Variants in LRP1 observed in about 807,000 individuals in gnomAD.
LRP1 encodes the protein LDL receptor related protein 1, also known as prolow-density lipoprotein receptor-related protein 1.
A neutral mutation model predicts 541.5 loss-of-function variants in LRP1; 51 were observed. The observed-to-expected ratio is 0.09, with a 90% CI of 0.08 to 0.12. The LOEUF (loss-of-function observed/expected upper bound fraction) is 0.12. Ranked by LOEUF, LRP1 falls within the 10% of genes least tolerant of loss-of-function variation. The probability of loss-of-function intolerance (pLI) is 1.00; values close to 1 mark genes in which losing one functional copy is unlikely to be tolerated. For missense variants in LRP1, 3,878 were observed against 6,376.2 expected (o/e 0.61, Z 13.34); for synonymous variants, 2,219 against 2,470.8 (o/e 0.90, Z 3.02).
chr12:57,133,213 G>T (rs1031668663), intron 1 of LRP1, among the ~76,000 whole-genome samples: 6 of 152,012 alleles, frequency 3.9e-5, no homozygotes, highest in Admixed American at 6.6e-5. Flanking sequence ...TGGCTGGGGT[G>T]GGGGGAGAAG....
intron 70 of LRP1, 68 bp downstream of exon 70, chr12:57,203,589 T>C: frequency 7.0e-7 from 1 of 1,427,552 alleles, no homozygotes; most frequent in Non-Finnish European, 9.2e-7. Context: ...GGCCCAGTCA[T>C]TCACTCATTC....
chr12:57,167,997 C>T lies in LRP1; in HGVS notation c.2995+473C>T, dbSNP rs138365252. ...CAGGGCTAGTATGTGTGTAAATGTG[C>T]GGGCAGGTGACTGCCGTGTGTGGTG... is the stretch of plus-strand genomic sequence containing the variant. On this transcript the variant is annotated intron_variant, in intron 19 of 88. Coordinates refer to ENST00000243077, the MANE Select transcript of LRP1 (RefSeq NM_002332.3). Among the ~76,000 whole-genome samples the T allele has an allele frequency of 1.3e-3, 195 of 152,306 alleles. 1 individual carries two copies. The highest frequency in any genetic ancestry group is 4.1e-3 in the African/African-American group (171 of 41,558).
chr12:57,197,300 CGAG>C lies in LRP1; in HGVS notation c.9081_9083del (p.Glu3028del). The C allele has an allele frequency of 1.2e-6, 2 of 1,614,074 alleles. No individual in the cohort carries two copies. The highest frequency in any genetic ancestry group is 1.7e-6 in the Non-Finnish European group (2 of 1,179,950). ...TGAGGCAAGATCCTCTGTCTGCAGA[CGAG>C]GAACCGTTTCTGATCTTCGCCAACC... is the stretch of plus-strand genomic sequence containing the variant. On this transcript the variant is annotated inframe_deletion and splice_region_variant, in exon 57 of 89. Transcript: ENST00000243077. This position sits in a 1 kb window ranked among gnomAD's most constrained non-coding sequence, Gnocchi z 4.5.
Position 57,211,409 on chromosome 12 carries a change from T to G in LRP1, c.13091+59T>G. On this transcript the variant is annotated intron_variant, in intron 84 of 88. Transcript: ENST00000243077. The surrounding 1 kb of genome is among the most constrained non-coding windows in gnomAD (Gnocchi z 4.3). Reference sequence around the variant, plus strand: ...CTGGGCCCCTGCCCTGTCCTAGCCCTGCCCTGCCCCTCCCTTCCTCAGCAT... The same window carrying G: ...CTGGGCCCCTGCCCTGTCCTAGCCCGGCCCTGCCCCTCCCTTCCTCAGCAT... 6.2e-7 allele frequency: 1 copy of G among 1,608,840 alleles called. No individual in the cohort carries two copies. Among genetic ancestry groups the G allele is most frequent in the Non-Finnish European group, 8.5e-7 (1 of 1,177,836 alleles).
At chr12:57,210,528 G>A in intron 82 of LRP1, 48 bp downstream of exon 82, 2 of 1,482,966 alleles carry the variant, frequency 1.3e-6, no homozygotes, top group Middle Eastern at 2.5e-4. Flanking sequence ...CTGGGCCCCA[G>A]CCCCGCCACC....
rs1303406420 is a variant in LRP1, at chr12:57,210,297, C to T, written c.12581-10C>T. On this transcript the variant is annotated splice_polypyrimidine_tract_variant and intron_variant, in intron 81 of 88. Transcript: ENST00000243077. Reference sequence around the variant, plus strand: ...CCCTGGCTCTGCCCCTTGACGGGCCCTTCCTGCAGCTCCCCGGCCTGGAAC... The same window carrying T: ...CCCTGGCTCTGCCCCTTGACGGGCCTTTCCTGCAGCTCCCCGGCCTGGAAC... 1 of 1,550,148 alleles carries T rather than the reference C, an allele frequency of 6.5e-7. No homozygotes were observed. Among genetic ancestry groups the T allele is most frequent in the South Asian group, 1.2e-5 (1 of 81,072 alleles).
Position 57,200,805 on chromosome 12 carries a change from G to A in LRP1, c.10215G>A (p.Glu3405=). 1 of 1,613,508 alleles carries A rather than the reference G, an allele frequency of 6.2e-7. No homozygotes were observed. Among genetic ancestry groups the A allele is most frequent in the Non-Finnish European group, 8.5e-7 (1 of 1,179,894 alleles). ...GDNDCQDNSD[E]ANCDIHVCLP... ...ATGACTGCCAGGACAACAGTGACGA[G>A]GCCAACTGTGGTAAGGCGCTGCCCG... Residue 3405 remains glutamate, a synonymous_variant, in exon 64 of 89, where the codon GAG becomes GAA. Transcript: ENST00000243077.
chr12:57,143,532 A>G (rs2035339094), intron 3 of LRP1, 147 bp from the exon 4 acceptor site: 1 of 921,342 alleles, frequency 1.1e-6, no homozygotes, highest in Non-Finnish European at 1.6e-6. Context: ...GAAATATGGT[A>G]GATGCTTCCT....
chr12:57,159,359 G>T (rs942533635), intron 11 of LRP1, among the ~76,000 whole-genome samples: 5 of 152,220 alleles, frequency 3.3e-5, no homozygotes, highest in South Asian at 4.1e-4. Context: ...AAGATTAGGG[G>T]TCCCTATACC....
intron 1 of LRP1, among the ~76,000 whole-genome samples, chr12:57,136,395 G>GCCC (rs35376308): frequency 0.03 from 2,931 of 98,756 alleles, 126 homozygotes; most frequent in Non-Finnish European, 0.033. Flanking sequence ...CCTCCTAAGA[G>GCCC]CCCCCCCCCC....
At chr12:57,194,145 C>T in intron 48 of LRP1, 133 bp downstream of exon 48, 4 of 1,000,864 alleles carry the variant, frequency 4.0e-6, no homozygotes, top group Non-Finnish European at 5.9e-6. Context: ...CCTCCATCTC[C>T]CTGAGGCCCT....
chr12:57,167,977 C>CT (rs1165721985), intron 19 of LRP1, among the ~76,000 whole-genome samples: 1 of 152,218 alleles, frequency 6.6e-6, no homozygotes, highest in Non-Finnish European at 1.5e-5. Flanking sequence ...GCCACCAGGG[C>CT]TAGTATGTGT....
At position 57,154,154 on chromosome 12, in the gene LRP1, A is replaced by G; in HGVS notation, c.842-54A>G. The G allele has an allele frequency of 6.5e-7, 1 of 1,545,214 alleles. No homozygotes were observed. The highest frequency in any genetic ancestry group is 8.9e-7 in the Non-Finnish European group (1 of 1,128,344). On this transcript the variant is annotated intron_variant, in intron 6 of 88. Coordinates refer to ENST00000243077, the MANE Select transcript of LRP1 (RefSeq NM_002332.3). This position sits in a 1 kb window ranked among gnomAD's most constrained non-coding sequence, Gnocchi z 4.6. ...GGGTTCTCACCAGCAAAGGGTGGGCATCTCTGCAAGAGGGCCTACCCCACC... is the reference window on the plus strand; with the variant it reads ...GGGTTCTCACCAGCAAAGGGTGGGCGTCTCTGCAAGAGGGCCTACCCCACC...
chr12:57,149,869 C>G, intron 6 of LRP1: 1 of 656,916 alleles, frequency 1.5e-6, no homozygotes, highest in Non-Finnish European at 2.8e-6. Flanking sequence ...CTCAGACTCT[C>G]CGCCATCTCT....
chr12:57,158,786 C>A lies in LRP1; in HGVS notation c.1798+148C>A. 4 of 764,708 alleles carry A rather than the reference C, an allele frequency of 5.2e-6. No individual in the cohort carries two copies. Among genetic ancestry groups the A allele is most frequent in the Non-Finnish European group, 8.6e-6 (4 of 464,908 alleles). The allele number at this position is 764,708 out of a possible 1,614,324, so 47.4% of individuals were successfully genotyped here. ...GGAGATGAGGGGATAGACAGATTGA[C>A]CCCTGTGTGACCCCCTTCTTGGCTG... is the stretch of plus-strand genomic sequence containing the variant. On this transcript the variant is annotated intron_variant, in intron 11 of 88. Coordinates refer to ENST00000243077, the MANE Select transcript of LRP1 (RefSeq NM_002332.3). The surrounding 1 kb of genome is among the most constrained non-coding windows in gnomAD (Gnocchi z 5.3).
Position 57,205,504 on chromosome 12 carries a change from G to T in LRP1, c.11470+19G>T. On this transcript the variant is annotated intron_variant, in intron 74 of 88. Coordinates refer to ENST00000243077, the MANE Select transcript of LRP1 (RefSeq NM_002332.3). This position sits in a 1 kb window ranked among gnomAD's most constrained non-coding sequence, Gnocchi z 4.6. ...TGCCAAGGTAGGAAAGCGGGGCAGA[G>T]CAGGGGTGGACACCCCAACTGTGGA... 1 of 1,612,060 alleles carries T rather than the reference G, an allele frequency of 6.2e-7. No homozygotes were observed. The highest frequency in any genetic ancestry group is 8.5e-7 in the Non-Finnish European group (1 of 1,178,580).
intron 1 of LRP1, among the ~76,000 whole-genome samples, chr12:57,132,610 G>T (rs1351087922): frequency 2.0e-5 from 3 of 151,710 alleles, no homozygotes; most frequent in Non-Finnish European, 4.4e-5. Context: ...GGCTTTTCTG[G>T]CTGTCTGTCT....
intron 2 of LRP1, among the ~76,000 whole-genome samples, chr12:57,139,359 G>T (rs1273944301): frequency 2.0e-5 from 3 of 152,084 alleles, no homozygotes; most frequent in Admixed American, 6.6e-5. Flanking sequence ...TAATTTTAGG[G>T]CTGGAAAGGG....
chr12:57,141,154 C>T (rs1256858849), intron 2 of LRP1, among the ~76,000 whole-genome samples: 3 of 152,162 alleles, frequency 2.0e-5, no homozygotes, highest in Admixed American at 2.0e-4. Context: ...GGAGGGTGGA[C>T]TCTACTGAAG....
Sources: allele counts gnomAD v4.1 joint callset (sites outside exome capture counted in the v4.1 genomes callset), GRCh38; gene constraint gnomAD v4.1.1; non-coding constraint Gnocchi (gnomAD v3.1); transcripts MANE v1.5; gene names NCBI Gene and HGNC (gene_info 2026-07-23, HGNC 2026-07-21).